The following FAT1 variants were observed in gnomAD, a reference collection of about 807,000 sequenced individuals.
FAT1 encodes the protein FAT atypical cadherin 1.
A neutral mutation model predicts 329.8 loss-of-function variants in FAT1; 171 were observed. The observed-to-expected ratio is 0.52, with a 90% confidence interval of 0.46 to 0.59. The LOEUF (loss-of-function observed/expected upper bound fraction) is 0.59, where lower values mean the gene tolerates loss of function less well. Among genes scored for constraint, FAT1 ranks in the 20% least tolerant of loss-of-function variants. The pLI, the probability that FAT1 is intolerant of heterozygous loss-of-function variation, is 0.00. For missense variants in FAT1, 5,672 were observed against 5,774.4 expected (o/e 0.98, Z 0.57); for synonymous variants, 2,233 against 2,228.6 (o/e 1.00, Z -0.06).
chr4:186,607,194 T>G (rs899811288), intron 16 of FAT1, among the ~76,000 whole-genome samples: 1 of 152,192 alleles, frequency 6.6e-6, no homozygotes, highest in African/African-American at 2.4e-5. Flanking sequence ...CCATTATTCT[T>G]CTGAAATTTC....
At chr4:186,656,404 A>AG (rs1355385391) in intron 3 of FAT1, among the ~76,000 whole-genome samples, 23 of 152,374 alleles carry the variant, frequency 1.5e-4, no homozygotes, top group African/African-American at 5.5e-4. Flanking sequence ...TAATATACTA[A>AG]GGAAGGGAAC....
At chr4:186,675,661 G>A (rs1742915900) in intron 2 of FAT1, among the ~76,000 whole-genome samples, 1 of 151,862 alleles carries the variant, frequency 6.6e-6, no homozygotes, top group African/African-American at 2.4e-5. Flanking sequence ...CCAGGCTGAG[G>A]TGGGAGGATC....
intron 2 of FAT1, among the ~76,000 whole-genome samples, chr4:186,666,880 C>T (rs964788614): frequency 1.3e-5 from 2 of 152,194 alleles, no homozygotes; most frequent in Admixed American, 6.5e-5. Context: ...CAGTGAATGG[C>T]AGAGCTGGAG....
chr4:186,638,865 C>T (rs940049660), intron 4 of FAT1, among the ~76,000 whole-genome samples: 2 of 150,180 alleles, frequency 1.3e-5, no homozygotes, highest in Non-Finnish European at 2.9e-5. Context: ...AGGCTGGCTC[C>T]GATAATGAAC....
intron 2 of FAT1, among the ~76,000 whole-genome samples, chr4:186,705,106 ATTTTTTT>A (rs761512523): frequency 2.5e-5 from 3 of 120,194 alleles, no homozygotes; most frequent in African/African-American, 6.3e-5. Flanking sequence ...CCACCCCAGC[ATTTTTTT>A]TTTTTTTTTT....
At chr4:186,608,705 G>A (rs568706994) in intron 16 of FAT1, among the ~76,000 whole-genome samples, 1 of 152,100 alleles carries the variant, frequency 6.6e-6, no homozygotes, top group Non-Finnish European at 1.5e-5. Context: ...TTTCTATGTG[G>A]CCAATAACCT....
At chr4:186,658,957 T>C (rs1742039672) in intron 3 of FAT1, among the ~76,000 whole-genome samples, 3 of 152,206 alleles carry the variant, frequency 2.0e-5, no homozygotes, top group South Asian at 2.1e-4. Flanking sequence ...AAAAATTTCA[T>C]AGTTCGGTAA....
At chr4:186,651,428 G>C (rs1474004626) in intron 3 of FAT1, among the ~76,000 whole-genome samples, 2 of 152,158 alleles carry the variant, frequency 1.3e-5, no homozygotes, top group Non-Finnish European at 2.9e-5. Context: ...ACTACATCAA[G>C]GGCAGCATTT....
chr4:186,648,531 C>G (rs1741484717), intron 3 of FAT1, among the ~76,000 whole-genome samples: 1 of 152,090 alleles, frequency 6.6e-6, no homozygotes, highest in South Asian at 2.1e-4. Context: ...TAAGTATCCT[C>G]TTACTGTAAA....
At chr4:186,646,075 A>G (rs910032696) in intron 3 of FAT1, among the ~76,000 whole-genome samples, 1 of 152,028 alleles carries the variant, frequency 6.6e-6, no homozygotes, top group Non-Finnish European at 1.5e-5. Flanking sequence ...CTGCAACAAG[A>G]GAGCAAGCAC....
rs2126542112 is a variant in FAT1, at chr4:186,628,229, A to G, written c.4735T>C (p.Ser1579Pro). The change falls in exon 9 of 27, where the codon TCA becomes CCA. Residue 1579 changes from serine (S) to proline (P), a missense_variant. Transcript: ENST00000441802. ...AGAGCCGTCACCTGCAACACAACTG[A>G]GCCAACGGCTGCCGATTCATAAACC... ...GRVYESAAVG[S>P]VVLQVTALDK... 1 of 1,613,940 alleles carries G rather than the reference A, an allele frequency of 6.2e-7. No homozygotes were observed. The highest frequency in any genetic ancestry group is 8.5e-7 in the Non-Finnish European group (1 of 1,179,890).
chr4:186,708,328 G>T lies in FAT1; in HGVS notation c.1500C>A (p.Tyr500Ter), dbSNP rs1457778952. 3 of 1,613,932 alleles carry T rather than the reference G, an allele frequency of 1.9e-6. No homozygotes were observed. The highest frequency in any genetic ancestry group is 2.5e-6 in the Non-Finnish European group (3 of 1,179,862). ...GCACATGATTTAAATTTGCGATACT[G>T]TATGTCACGTACCCGTTCTCACCCT... ...PDEGENGYVT[Y>*]SIANLNHVPF... Residue 500 changes from tyrosine (Y) to a stop codon, truncating the protein, a stop_gained, in exon 2 of 27, where the codon TAC becomes TAA. Transcript: ENST00000441802. LOFTEE classifies it high-confidence loss of function.
At chr4:186,673,710 T>C (rs545407849) in intron 2 of FAT1, among the ~76,000 whole-genome samples, 1 of 152,348 alleles carries the variant, frequency 6.6e-6, no homozygotes, top group South Asian at 2.1e-4. Flanking sequence ...TACTAAAACG[T>C]AGTATTAATT....
chr4:186,662,923 G>GC (rs1742250446), intron 3 of FAT1, among the ~76,000 whole-genome samples: 1 of 151,668 alleles, frequency 6.6e-6, no homozygotes, highest in Admixed American at 6.6e-5. Flanking sequence ...TGCAAGCTCC[G>GC]CCCCCCGGGT....
chr4:186,589,316 C>T (rs947669796), intron 26 of FAT1, 96 bp from the exon 27 acceptor site: 16 of 1,296,988 alleles, frequency 1.2e-5, no homozygotes, highest in East Asian at 7.0e-5. Flanking sequence ...AAGATGCAAC[C>T]GCATTTATGC....
intron 2 of FAT1, among the ~76,000 whole-genome samples, chr4:186,696,888 G>A (rs913322144): frequency 5.3e-5 from 8 of 152,140 alleles, no homozygotes; most frequent in African/African-American, 1.9e-4. Flanking sequence ...GCTGGGTGTG[G>A]TGGTGCACAC....
intron 25 of FAT1, 68 bp from the exon 26 acceptor site, chr4:186,595,894 G>A (rs1738485552): frequency 1.3e-6 from 2 of 1,546,688 alleles, no homozygotes; most frequent in Non-Finnish European, 1.8e-6. Context: ...TGAATCCTGA[G>A]ACACACCATG....
In FAT1 at chr4:186,619,442, C is replaced by A; in HGVS notation, c.7144G>T (p.Asp2382Tyr). ...AAGAGTGGTGGATTATCATTGAGGT[C>A]GGTAACGTCCACCGTGACAATCACA... The part of the protein sequence containing the change: ...SDVIVTVDVT[D>Y]LNDNPPLFEQ... The change falls in exon 10 of 27, where the codon GAC (aspartate) becomes TAC (tyrosine). Residue 2382 changes from aspartate (D) to tyrosine (Y), a missense_variant. Asp to Tyr is a radical substitution (Grantham distance 160). Transcript: ENST00000441802. 1 of 1,613,908 alleles carries A rather than the reference C, an allele frequency of 6.2e-7. No homozygotes were observed. Among genetic ancestry groups the A allele is most frequent in the Non-Finnish European group, 8.5e-7 (1 of 1,179,874 alleles).
intron 3 of FAT1, among the ~76,000 whole-genome samples, chr4:186,645,960 A>T (rs753209581): frequency 0.034 from 3,821 of 113,308 alleles, 164 homozygotes; most frequent in Middle Eastern, 0.086. Context: ...AAAAAAAAAA[A>T]AAATATATAC....
Sources: allele counts gnomAD v4.1 joint callset (sites outside exome capture counted in the v4.1 genomes callset), GRCh38; gene constraint gnomAD v4.1.1; transcripts MANE v1.5; gene names NCBI Gene and HGNC (gene_info 2026-07-23, HGNC 2026-07-21).